CCDC7: variants seen among roughly 807,000 people sequenced by gnomAD.
The protein encoded by CCDC7 is coiled-coil domain-containing protein 7.
CCDC7 carries 183 observed loss-of-function variants against 196.9 expected under a neutral mutation model. The ratio of observed to expected loss-of-function variants is 0.93; its 90% CI spans 0.82 to 1.05. The LOEUF is 1.05. Among genes scored for constraint, CCDC7 ranks in the 50% least tolerant of loss-of-function variants. The probability of loss-of-function intolerance (pLI) is 0.00; values close to 1 mark genes in which losing one functional copy is unlikely to be tolerated. For synonymous variants in CCDC7, 525 were observed against 484.6 expected (o/e 1.08, Z -1.10); for missense variants, 1,540 against 1,482.2 (o/e 1.04, Z -0.64).
chr10:32,882,375 C>A (rs2094823294), intron 22 of CCDC7, among the ~76,000 whole-genome samples: 1 of 152,074 alleles, frequency 6.6e-6, no homozygotes, highest in Non-Finnish European at 1.5e-5. Flanking sequence ...GCTAAACTGA[C>A]TTAGTAGGAT....
intron 5 of CCDC7, among the ~76,000 whole-genome samples, chr10:32,469,005 T>A (rs574857101): frequency 4.0e-4 from 61 of 152,352 alleles, no homozygotes; most frequent in African/African-American, 1.2e-3. Context: ...ACTTCAGAAT[T>A]GTCTTGCTGG....
At chr10:32,603,180 A>G (rs2061243848) in intron 18 of CCDC7, among the ~76,000 whole-genome samples, 1 of 150,434 alleles carries the variant, frequency 6.6e-6, no homozygotes, top group South Asian at 2.1e-4. Context: ...TTTTTAGCTC[A>G]TACATAAGAA....
At chr10:32,793,947 C>G (rs1289059573) in intron 29 of CCDC7, among the ~76,000 whole-genome samples, 1 of 152,148 alleles carries the variant, frequency 6.6e-6, no homozygotes, top group African/African-American at 2.4e-5. Flanking sequence ...TGTAGTTTAA[C>G]TTCAAAGTTT....
At chr10:32,746,604 A>G (rs1174763679) in intron 28 of CCDC7, among the ~76,000 whole-genome samples, 4 of 152,170 alleles carry the variant, frequency 2.6e-5, no homozygotes, top group African/African-American at 9.7e-5. Flanking sequence ...CCTGTCTGCC[A>G]GCCTCTCCTG....
intron 28 of CCDC7, among the ~76,000 whole-genome samples, chr10:32,737,668 C>A (rs1306595179): frequency 1.3e-5 from 2 of 151,980 alleles, no homozygotes; most frequent in East Asian, 3.8e-4. Flanking sequence ...CTTTGCAGTC[C>A]CATCTGTTTT....
intron 13 of CCDC7, among the ~76,000 whole-genome samples, chr10:32,546,181 G>A (rs1239532697): frequency 6.6e-6 from 1 of 152,142 alleles, no homozygotes; most frequent in Admixed American, 6.5e-5. Context: ...TTCTGTAAGG[G>A]AATCTTTGCT....
chr10:32,824,772 A>G (rs930995253), intron 32 of CCDC7, among the ~76,000 whole-genome samples, 168 bp downstream of exon 33: 2 of 152,208 alleles, frequency 1.3e-5, no homozygotes, highest in Non-Finnish European at 2.9e-5. Context: ...TCAATAGAAA[A>G]TTAGCTTTAG....
chr10:32,766,543 G>A (rs1287090966), intron 28 of CCDC7, among the ~76,000 whole-genome samples: 1 of 152,052 alleles, frequency 6.6e-6, no homozygotes, highest in Admixed American at 6.6e-5. Context: ...GCCCCTTGGA[G>A]CAAAGCCATC....
chr10:32,787,186 G>A (rs2082012044), intron 29 of CCDC7, among the ~76,000 whole-genome samples: 1 of 151,576 alleles, frequency 6.6e-6, no homozygotes, highest in Non-Finnish European at 1.5e-5. Flanking sequence ...TGAAAGACAT[G>A]CATCTACACA....
In CCDC7 at chr10:32,632,214, T is replaced by C. The variant is rs181345536; in HGVS notation, c.1802-2040T>C. Among the ~76,000 whole-genome samples, 4 of 151,854 alleles carry C rather than the reference T, an allele frequency of 2.6e-5. No individual in the cohort carries two copies. The East Asian group carries it at 7.8e-4, about 30-fold the overall frequency. Reference sequence around the variant, plus strand: ...AAACAGAAGTGATAAGACATCCTTATCTTGTTTTTACTTTAGTGGGAAAGC... The same window carrying C: ...AAACAGAAGTGATAAGACATCCTTACCTTGTTTTTACTTTAGTGGGAAAGC... On this transcript the variant is annotated intron_variant, in intron 18 of 41. Transcript: ENST00000639629.
chr10:32,750,241 G>C (rs1414393997), intron 28 of CCDC7, among the ~76,000 whole-genome samples: 1 of 152,074 alleles, frequency 6.6e-6, no homozygotes, highest in African/African-American at 2.4e-5. Context: ...AGGCACTACT[G>C]TTTGTTTATC....
intron 24 of CCDC7, among the ~76,000 whole-genome samples, chr10:32,705,663 G>T (rs2079600856): frequency 6.6e-6 from 1 of 152,106 alleles, no homozygotes; most frequent in Non-Finnish European, 1.5e-5. Flanking sequence ...GGCAGAGGTT[G>T]CCATCCTAGT....
chr10:32,755,073 G>A (rs2076212084), intron 28 of CCDC7, among the ~76,000 whole-genome samples: 2 of 152,188 alleles, frequency 1.3e-5, no homozygotes, highest in Admixed American at 6.5e-5. Context: ...TGGGGGAGGG[G>A]CATCCACCAT....
chr10:32,536,197 A>G (rs1391728335), intron 11 of CCDC7, among the ~76,000 whole-genome samples: 1 of 152,148 alleles, frequency 6.6e-6, no homozygotes, highest in Non-Finnish European at 1.5e-5. Flanking sequence ...CAATCCAGGC[A>G]GGAAGCAGAG....
At chr10:32,449,305 G>C (rs1408672887), upstream of CCDC7, among the ~76,000 whole-genome samples, 1 of 152,038 alleles carries the variant, frequency 6.6e-6, no homozygotes, top group Non-Finnish European at 1.5e-5. Context: ...TCCTGCCTCA[G>C]CCTCCCGAGT....
intron 21 of CCDC7, among the ~76,000 whole-genome samples, chr10:32,671,273 T>C (rs186684613): frequency 2.4e-4 from 36 of 152,332 alleles, no homozygotes; most frequent in African/African-American, 8.4e-4. Context: ...CTTTATACCA[T>C]ATTTGTGCTA....
At chr10:32,773,493 T>G (rs1253738995) in intron 28 of CCDC7, among the ~76,000 whole-genome samples, 1 of 152,120 alleles carries the variant, frequency 6.6e-6, no homozygotes, top group Non-Finnish European at 1.5e-5. Flanking sequence ...TACATATTCT[T>G]TATTTTGAGA....
intron 32 of CCDC7, among the ~76,000 whole-genome samples, chr10:32,826,592 C>T (rs866667505): frequency 7.3e-4 from 111 of 152,332 alleles, no homozygotes; most frequent in African/African-American, 2.2e-3. Context: ...CTCAAATGCC[C>T]GTGGTCCCCA....
intron 31 of CCDC7, among the ~76,000 whole-genome samples, chr10:32,815,910 C>T (rs990818386): frequency 6.6e-6 from 1 of 152,142 alleles, no homozygotes; most frequent in Non-Finnish European, 1.5e-5. Flanking sequence ...TCCACAGCTC[C>T]CAGTGTGAGC....
Sources: gnomAD v4.1 joint callset for allele counts (sites outside exome capture counted in the v4.1 genomes callset) on GRCh38, gnomAD v4.1.1 for gene constraint, MANE v1.5 for transcripts, NCBI Gene and HGNC (gene_info 2026-07-23, HGNC 2026-07-21) for gene names.